GALNTL6: variants seen among roughly 807,000 people sequenced by gnomAD.
GALNTL6 encodes polypeptide N-acetylgalactosaminyltransferase like 6.
GALNTL6 carries 46 observed loss-of-function variants against 73.7 expected under a neutral mutation model. The ratio of observed to expected loss-of-function variants is 0.62; its 90% confidence interval spans 0.49 to 0.80. The LOEUF (loss-of-function observed/expected upper bound fraction) is 0.80. Ranked by LOEUF, GALNTL6 falls within the 30% of genes least tolerant of loss-of-function variation. GALNTL6 has a pLI of 0.00. For synonymous variants in GALNTL6, 259 were observed against 263.7 expected, an observed-to-expected ratio of 0.98 and a Z score of 0.17; for missense variants, 604 against 755.0, an observed-to-expected ratio of 0.80 and a Z score of 2.34.
intron 2 of GALNTL6, among the ~76,000 whole-genome samples, chr4:171,816,637 CT>C (rs1439070742): frequency 6.6e-6 from 1 of 151,926 alleles, no homozygotes; most frequent in Admixed American, 6.5e-5. Flanking sequence ...TGTCAGTCAT[CT>C]ACTTTAATAT....
intron 7 of GALNTL6, among the ~76,000 whole-genome samples, chr4:172,821,238 A>AT (rs553312964): frequency 1.7e-3 from 261 of 152,336 alleles, no homozygotes; most frequent in African/African-American, 6.1e-3. Context: ...TGAAGGGACT[A>AT]TCGTGATGAA....
intron 9 of GALNTL6, among the ~76,000 whole-genome samples, chr4:172,951,663 G>A (rs776100547): frequency 8.5e-5 from 13 of 152,198 alleles, no homozygotes; most frequent in Non-Finnish European, 1.9e-4. Flanking sequence ...TTTAATGCCT[G>A]AGAGGAATGT....
intron 2 of GALNTL6, among the ~76,000 whole-genome samples, chr4:172,174,568 G>A (rs1222471279): frequency 1.3e-5 from 2 of 151,920 alleles, no homozygotes; most frequent in African/African-American, 4.8e-5. Flanking sequence ...TAAATTTATT[G>A]GTCGAGTAGT....
chr4:172,857,759 C>A (rs1349962677), intron 7 of GALNTL6, among the ~76,000 whole-genome samples: 1 of 152,106 alleles, frequency 6.6e-6, no homozygotes, highest in East Asian at 1.9e-4. Context: ...AAAAGCAATT[C>A]TCTGAATTTA....
chr4:172,894,942 GT>G lies in GALNTL6; in HGVS notation c.1041+12043del, dbSNP rs560456339. ...CTCTTTATCATTATATAATGATCTT[GT>G]TTTTTTTACAGTTTTTTTTTTTTTA... On this transcript the variant is annotated intron_variant, in intron 8 of 12. Transcript: ENST00000506823. Among the ~76,000 whole-genome samples, 802 of 139,068 alleles carry G rather than the reference GT, an allele frequency of 5.8e-3. 5 individuals are homozygous for G. The highest frequency in any genetic ancestry group is 0.018 in the African/African-American group (710 of 39,318). 91.2% of individuals were successfully genotyped at this position (139,068 alleles called of 152,430 possible). A position where few individuals can be genotyped will look rare whatever the true frequency, so the allele number is the denominator to read the frequency against.
chr4:172,311,578 T>A, intron 3 of GALNTL6, 36 bp from the exon 4 acceptor site: 1 of 1,569,228 alleles, frequency 6.4e-7, no homozygotes, highest in Non-Finnish European at 8.7e-7. Flanking sequence ...ATGGCTTTTA[T>A]AGAGATGATA....
intron 5 of GALNTL6, among the ~76,000 whole-genome samples, chr4:172,721,495 A>G (rs1579392777): frequency 6.6e-6 from 1 of 152,214 alleles, no homozygotes; most frequent in Non-Finnish European, 1.5e-5. Context: ...TCAAGTTTTA[A>G]AAAACATAGG....
Position 172,300,306 on chromosome 4 carries a change from A to G in GALNTL6, c.248-11308A>G, listed in dbSNP as rs1241445722. On this transcript the variant is annotated intron_variant, in intron 3 of 12. Transcript: ENST00000506823. ...GTTTCCTGAATACAGCACACTGATG[A>G]GTCTTGACTCTTTATCAAATTTACC... Among the ~76,000 whole-genome samples, 4 of 152,042 alleles carry G rather than the reference A, an allele frequency of 2.6e-5. No homozygotes were observed. In the South Asian group the frequency reaches 8.3e-4, roughly 31 times the overall value.
chr4:172,764,943 A>G (rs1738320952), intron 5 of GALNTL6, among the ~76,000 whole-genome samples: 1 of 152,250 alleles, frequency 6.6e-6, no homozygotes, highest in South Asian at 2.1e-4. Flanking sequence ...CTTTGTGAAG[A>G]GAGTGTTCAG....
At chr4:172,396,369 A>G (rs367629463) in intron 5 of GALNTL6, among the ~76,000 whole-genome samples, 45 of 147,822 alleles carry the variant, frequency 3.0e-4, no homozygotes, top group African/African-American at 5.8e-4. Flanking sequence ...TTGATTTACC[A>G]TAGTCCTCAC....
At chr4:172,865,461 C>T (rs1744614178) in intron 7 of GALNTL6, among the ~76,000 whole-genome samples, 1 of 151,990 alleles carries the variant, frequency 6.6e-6, no homozygotes, top group Admixed American at 6.6e-5. Flanking sequence ...TTTCTGTTTC[C>T]CAAAAGCAAA....
intron 5 of GALNTL6, among the ~76,000 whole-genome samples, chr4:172,630,796 T>A (rs1009966106): frequency 1.3e-5 from 2 of 149,850 alleles, no homozygotes; most frequent in African/African-American, 4.9e-5. Flanking sequence ...AACTTATCTT[T>A]CTGATTCCCT....
At chr4:172,852,607 G>T (rs189261863) in intron 7 of GALNTL6, among the ~76,000 whole-genome samples, 30 of 152,234 alleles carry the variant, frequency 2.0e-4, no homozygotes, top group East Asian at 1.9e-3. Context: ...CGGGGTAAGG[G>T]AGATTTGACA....
At chr4:172,018,757 A>C (rs991001469) in intron 2 of GALNTL6, among the ~76,000 whole-genome samples, 1 of 152,136 alleles carries the variant, frequency 6.6e-6, no homozygotes, top group African/African-American at 2.4e-5. Flanking sequence ...AGGCAGGTTC[A>C]TGCCCAATCA....
intron 2 of GALNTL6, among the ~76,000 whole-genome samples, chr4:171,835,356 A>G (rs1490779883): frequency 6.6e-6 from 1 of 151,846 alleles, no homozygotes; most frequent in Non-Finnish European, 1.5e-5. Context: ...ATGCAAATGT[A>G]TGTGTGTGGG....
intron 5 of GALNTL6, among the ~76,000 whole-genome samples, chr4:172,765,189 G>A (rs1218837660): frequency 2.0e-5 from 3 of 152,110 alleles, no homozygotes; most frequent in African/African-American, 7.2e-5. Context: ...CAGCAACACA[G>A]ACAGAGAGAA....
intron 2 of GALNTL6, among the ~76,000 whole-genome samples, chr4:171,939,070 C>CA (rs1227279966): frequency 7.4e-6 from 1 of 135,510 alleles, no homozygotes; most frequent in Non-Finnish European, 1.6e-5. Flanking sequence ...TTGCCTTCAC[C>CA]AAAAAAACAG....
At chr4:172,625,109 T>C (rs1053778183) in intron 5 of GALNTL6, among the ~76,000 whole-genome samples, 50 of 152,096 alleles carry the variant, frequency 3.3e-4, no homozygotes, top group Non-Finnish European at 1.9e-4. Flanking sequence ...TAAAGAAAAA[T>C]ATACTCACTA....
chr4:172,671,454 C>A (rs1731979585), intron 5 of GALNTL6, among the ~76,000 whole-genome samples: 1 of 152,060 alleles, frequency 6.6e-6, no homozygotes, highest in Non-Finnish European at 1.5e-5. Flanking sequence ...TGATTTGGCT[C>A]TTGGCTTGAC....
Sources: gnomAD v4.1 joint callset for allele counts (sites outside exome capture counted in the v4.1 genomes callset) on GRCh38, gnomAD v4.1.1 for gene constraint, MANE v1.5 for transcripts, NCBI Gene and HGNC (gene_info 2026-07-23, HGNC 2026-07-21) for gene names.